IGFL2: variants seen among roughly 807,000 people sequenced by gnomAD.
IGFL2 encodes the protein insulin growth factor-like family member 2.
In IGFL2, 7 loss-of-function variants were observed where a neutral mutation model predicts 13.9. The observed-to-expected ratio is 0.51, with a 90% CI of 0.29 to 0.95. The LOEUF is 0.95. IGFL2 is among the 40% of genes least tolerant of loss of function. The probability of loss-of-function intolerance (pLI) is 0.08; values close to 1 mark genes in which losing one functional copy is unlikely to be tolerated. For synonymous variants in IGFL2, 55 were observed against 55.8 expected (o/e 0.99, Z 0.07); for missense variants, 138 against 147.8 (o/e 0.93, Z 0.34).
chr19:46,079,496 G>T, the IGFL2 span, among the ~76,000 whole-genome samples: 5 of 152,076 alleles, frequency 3.3e-5, no homozygotes, highest in African/African-American at 4.8e-5. Context: ...CACCCCTATA[G>T]CCCGAATGAG....
chr19:46,178,150 G>A, the IGFL2 span, among the ~76,000 whole-genome samples: 3 of 152,094 alleles, frequency 2.0e-5, no homozygotes, highest in African/African-American at 7.2e-5. Context: ...GGTGGCGCAT[G>A]CCTGTAATCC....
the IGFL2 span, among the ~76,000 whole-genome samples, chr19:46,094,034 ATTTTT>A: frequency 8.8e-6 from 1 of 114,222 alleles, no homozygotes; most frequent in Non-Finnish European, 1.7e-5. Context: ...GCCTTGGAGG[ATTTTT>A]TTTTTTTTTT....
the IGFL2 span, among the ~76,000 whole-genome samples, chr19:46,109,425 C>G: frequency 6.6e-6 from 1 of 151,888 alleles, no homozygotes; most frequent in Non-Finnish European, 1.5e-5. Flanking sequence ...CGCCATTCTT[C>G]TGCCTCAGCC....
downstream of IGFL2, among the ~76,000 whole-genome samples, chr19:46,162,483 C>T (rs911825269): frequency 6.6e-6 from 1 of 152,134 alleles, no homozygotes; most frequent in African/African-American, 2.4e-5. Context: ...GAGGTTTGGT[C>T]ATTTCTTTTT....
upstream of IGFL2, among the ~76,000 whole-genome samples, chr19:46,142,464 A>T (rs1217719392): frequency 6.6e-6 from 1 of 152,228 alleles, no homozygotes; most frequent in East Asian, 1.9e-4. Flanking sequence ...CTCACTGGTG[A>T]GTATGGGTAT....
chr19:46,202,561 C>G, the IGFL2 span: 1 of 152,228 alleles, frequency 6.6e-6, no homozygotes, highest in African/African-American at 2.4e-5. Flanking sequence ...TACTTGCCAC[C>G]AAGGTGAAGG....
the IGFL2 span, chr19:46,196,979 C>T: frequency 9.3e-6 from 2 of 213,954 alleles, no homozygotes; most frequent in Non-Finnish European, 2.0e-5. Flanking sequence ...CAGGCTGGGA[C>T]CCACCTGCCC....
chr19:46,082,111 A>G, the IGFL2 span, among the ~76,000 whole-genome samples: 1 of 152,128 alleles, frequency 6.6e-6, no homozygotes, highest in African/African-American at 2.4e-5. Context: ...TGTTAGTACT[A>G]TTCATGTCCT....
chr19:46,114,332 A>T, the IGFL2 span, among the ~76,000 whole-genome samples: 1 of 152,202 alleles, frequency 6.6e-6, no homozygotes, highest in African/African-American at 2.4e-5. Flanking sequence ...TACCTTTTCC[A>T]CTATAAAGCT....
the IGFL2 span, among the ~76,000 whole-genome samples, chr19:46,105,161 T>C: frequency 6.6e-6 from 1 of 152,210 alleles, no homozygotes; most frequent in Non-Finnish European, 1.5e-5. Flanking sequence ...TAAAGATGCA[T>C]TAATGATGGA....
At chr19:46,132,161 C>T in the IGFL2 span, among the ~76,000 whole-genome samples, 1 of 152,166 alleles carries the variant, frequency 6.6e-6, no homozygotes, top group African/African-American at 2.4e-5. Context: ...GTCCAGAAGC[C>T]TGGCTGGTAA....
At chr19:46,128,422 A>T in the IGFL2 span, among the ~76,000 whole-genome samples, 598 of 152,286 alleles carry the variant, frequency 3.9e-3, 3 homozygotes, top group African/African-American at 0.012. Flanking sequence ...ATCTTGTACC[A>T]GTTTTCAAGG....
the IGFL2 span, among the ~76,000 whole-genome samples, chr19:46,191,340 T>G: frequency 1.3e-5 from 2 of 152,018 alleles, no homozygotes; most frequent in African/African-American, 4.8e-5. Context: ...CTGGAAGGAA[T>G]GCTATTCCTC....
chr19:46,094,063 G>A, the IGFL2 span, among the ~76,000 whole-genome samples: 1 of 148,352 alleles, frequency 6.7e-6, no homozygotes, highest in Non-Finnish European at 1.5e-5. Context: ...TTTGCCAGGG[G>A]TAGGGGGTCA....
the IGFL2 span, among the ~76,000 whole-genome samples, chr19:46,202,037 C>T: frequency 3.3e-5 from 5 of 151,952 alleles, no homozygotes; most frequent in Admixed American, 3.3e-4. Context: ...CTCGCTTGGC[C>T]TGGTGAGGAG....
At chr19:46,176,807 G>C in the IGFL2 span, among the ~76,000 whole-genome samples, 1 of 152,190 alleles carries the variant, frequency 6.6e-6, no homozygotes, top group Non-Finnish European at 1.5e-5. Flanking sequence ...TGCCCATGCT[G>C]CTTGCCTGAG....
chr19:46,081,480 T>C, the IGFL2 span, among the ~76,000 whole-genome samples: 3 of 152,318 alleles, frequency 2.0e-5, no homozygotes, highest in Non-Finnish European at 1.5e-5. Flanking sequence ...CGCTTTCTGG[T>C]CTAGGATGCA....
chr19:46,087,892 A>G, the IGFL2 span, among the ~76,000 whole-genome samples: 9 of 152,332 alleles, frequency 5.9e-5, 1 homozygote, highest in African/African-American at 1.9e-4. Flanking sequence ...TGGAGCTCAT[A>G]CAATGGTGCC....
the IGFL2 span, among the ~76,000 whole-genome samples, chr19:46,115,403 C>T: frequency 1.3e-5 from 2 of 152,072 alleles, no homozygotes; most frequent in African/African-American, 4.8e-5. Context: ...AAAAATAAGG[C>T]GGCGTCAGTA....
Sources: gnomAD v4.1 joint callset for allele counts (sites outside exome capture counted in the v4.1 genomes callset) on GRCh38, gnomAD v4.1.1 for gene constraint, MANE v1.5 for transcripts, NCBI Gene and HGNC (gene_info 2026-07-23, HGNC 2026-07-21) for gene names.